AIF1L: variants seen among roughly 807,000 people sequenced by gnomAD.
AIF1L encodes the protein allograft inflammatory factor 1 like.
A neutral mutation model predicts 20.7 loss-of-function variants in AIF1L; 12 were observed. That is an observed-to-expected ratio of 0.58 (90% CI 0.37 to 0.94). AIF1L has a LOEUF of 0.94. Ranked by LOEUF, AIF1L falls within the 40% of genes least tolerant of loss-of-function variation. The probability of loss-of-function intolerance (pLI) is 0.01; values close to 1 mark genes in which losing one functional copy is unlikely to be tolerated. For synonymous variants in AIF1L, 76 were observed against 65.1 expected (o/e 1.17, Z -0.81); for missense variants, 173 against 185.3 (o/e 0.93, Z 0.39).
Position 131,120,908 on chromosome 9 carries a change from G to A in AIF1L, c.*586G>A, listed in dbSNP as rs1337975108. 2 of 500,038 alleles carry A rather than the reference G, an allele frequency of 4.0e-6. No individual in the cohort carries two copies. The highest frequency in any genetic ancestry group is 7.2e-6 in the Non-Finnish European group (2 of 277,488). 31.0% of individuals were successfully genotyped at this position (500,038 alleles called of 1,614,324 possible). A position where few individuals can be genotyped will look rare whatever the true frequency, so the allele number is the denominator to read the frequency against. The stretch of plus-strand genomic sequence containing the variant: ...TCCTCAGTGATGTGAAGGTGGGAAG[G>A]AAAGGAGCTTGGCATTGGGAGCCCT... On this transcript the variant is annotated 3_prime_UTR_variant, in exon 6 of 6. Coordinates refer to ENST00000247291, the MANE Select transcript of AIF1L (RefSeq NM_031426.4).
chr9:131,116,152 G>C (rs1278440611), intron 4 of AIF1L, among the ~76,000 whole-genome samples: 1 of 151,802 alleles, frequency 6.6e-6, no homozygotes, highest in African/African-American at 2.4e-5. Context: ...AATCACAAAA[G>C]CTGTTTTATA....
Position 131,117,091 on chromosome 9 carries a change from G to A in AIF1L, c.203-665G>A, listed in dbSNP as rs1004039850. On this transcript the variant is annotated intron_variant, in intron 4 of 5. Coordinates refer to ENST00000247291, the MANE Select transcript of AIF1L (RefSeq NM_031426.4). ...GGGCGGTCAGAGACAGCACCGCCTC[G>A]GGCTGGAGTGACATTCTGGGGCCTC... Among the ~76,000 whole-genome samples the A allele has an allele frequency of 2.6e-5, 4 of 152,182 alleles. 1 individual carries two copies. Among genetic ancestry groups the A allele is most frequent in the Non-Finnish European group, 5.9e-5 (4 of 68,024 alleles).
At chr9:131,096,915 G>A in intron 2 of AIF1L, 52 bp downstream of exon 2, 2 of 1,483,496 alleles carry the variant, frequency 1.3e-6, no homozygotes, top group Non-Finnish European at 8.9e-7. Context: ...GCGCTGCGCG[G>A]GTGCCACCTC....
At chr9:131,097,279 G>T (rs1342103025) in intron 2 of AIF1L, among the ~76,000 whole-genome samples, 1 of 152,202 alleles carries the variant, frequency 6.6e-6, no homozygotes, top group Non-Finnish European at 1.5e-5. Context: ...GAGTTCGGTG[G>T]CCCAATCTCA....
chr9:131,119,930 G>A (rs1039808102), intron 5 of AIF1L, among the ~76,000 whole-genome samples: 2 of 152,222 alleles, frequency 1.3e-5, no homozygotes, highest in African/African-American at 2.4e-5. Context: ...GTGTGGTTAA[G>A]GGAAGGGTAT....
chr9:131,103,024 G>A (rs567318065), intron 2 of AIF1L: 1 of 456,096 alleles, frequency 2.2e-6, no homozygotes, highest in African/African-American at 2.0e-5. Context: ...TCAGCGAGGA[G>A]CAGGCAGGTG....
chr9:131,115,556 C>G (rs1269897501), intron 4 of AIF1L, among the ~76,000 whole-genome samples: 3 of 151,396 alleles, frequency 2.0e-5, no homozygotes, highest in African/African-American at 7.3e-5. Flanking sequence ...TGAACAGTTT[C>G]CCCCTTTTCC....
rs939132741 is a variant in AIF1L at position 131,122,974 on chromosome 9, T to C, written c.*2652T>C. On this transcript the variant is annotated 3_prime_UTR_variant, in exon 6 of 6. Transcript: ENST00000247291. ...ACCATCTTCTTTCTGAAAGACCAAA[T>C]CTAATGTAACCAGTAACGTGAGGAC... 6.6e-6 allele frequency: 1 copy of C among 152,244 alleles called. No individual in the cohort carries two copies. The highest frequency in any genetic ancestry group is 1.5e-5 in the Non-Finnish European group (1 of 68,070). 9.4% of individuals were successfully genotyped at this position (152,244 alleles called of 1,614,324 possible).
intron 2 of AIF1L, 149 bp from the exon 3 acceptor site, chr9:131,111,448 G>T: frequency 1.4e-6 from 1 of 714,876 alleles, no homozygotes; most frequent in Non-Finnish European, 2.4e-6. Context: ...CCTCCAAGGG[G>T]CGACAGGAAG....
Position 131,115,537 on chromosome 9 carries a change from G to A in AIF1L, c.202+919G>A, listed in dbSNP as rs111828870. On this transcript the variant is annotated intron_variant, in intron 4 of 5. Transcript: ENST00000247291. Reference sequence around the variant, plus strand: ...ACTGGCAGTGAACCAGGGCCCAGCCGTTGGTTTCTGAACAGTTTCCCCCTT... The same window carrying A: ...ACTGGCAGTGAACCAGGGCCCAGCCATTGGTTTCTGAACAGTTTCCCCCTT... 4.8e-3 allele frequency among the ~76,000 whole-genome samples: 728 copies of A among 150,418 alleles called. 5 individuals carry two copies. The highest frequency in any genetic ancestry group is 0.017 in the African/African-American group (686 of 40,988).
chr9:131,114,566 G>A lies in AIF1L; in HGVS notation c.161-11G>A, dbSNP rs377716694. On this transcript the variant is annotated splice_polypyrimidine_tract_variant and intron_variant, in intron 3 of 5. Transcript: ENST00000247291. ...CCAAACTAATGCTAGTTTTTGCTCT[G>A]TGATTTCCAGAGAAGTACATGGAGT... 44 of 1,613,988 alleles carry A rather than the reference G, an allele frequency of 2.7e-5. No homozygotes were observed. The Middle Eastern group carries it at 5.0e-4, about 18-fold the overall frequency.
chr9:131,118,566 T>C (rs1588113147), intron 5 of AIF1L, among the ~76,000 whole-genome samples: 3 of 150,726 alleles, frequency 2.0e-5, no homozygotes, highest in Non-Finnish European at 3.0e-5. Context: ...TTTTTTTTCT[T>C]TTTGAGATCT....
chr9:131,097,444 A>T lies in AIF1L; in HGVS notation c.93+581A>T, dbSNP rs911773213. On this transcript the variant is annotated intron_variant, in intron 2 of 5. Transcript: ENST00000247291. ...AAATAGAAGACTCTGATGGGCGTAGAGATCCTGGCACTTCCCCGTGGTCTC... is the reference window on the plus strand; with the variant it reads ...AAATAGAAGACTCTGATGGGCGTAGTGATCCTGGCACTTCCCCGTGGTCTC... Among the ~76,000 whole-genome samples, 17 of 151,792 alleles carry T rather than the reference A, an allele frequency of 1.1e-4. No individual in the cohort carries two copies. The East Asian group carries it at 2.9e-3, about 26-fold the overall frequency.
At chr9:131,111,480 C>T in intron 2 of AIF1L, 117 bp from the exon 3 acceptor site, 1 of 880,090 alleles carries the variant, frequency 1.1e-6, no homozygotes, top group Non-Finnish European at 1.8e-6. Flanking sequence ...AAGGGACAAA[C>T]TGGGTCTGGT....
chr9:131,107,801 T>C (rs2133386580), intron 2 of AIF1L: 1 of 152,340 alleles, frequency 6.6e-6, no homozygotes, highest in African/African-American at 2.4e-5. Context: ...TGATCTAATA[T>C]GTCCCTTCAC....
chr9:131,109,708 C>T (rs1189614702), intron 2 of AIF1L, among the ~76,000 whole-genome samples: 1 of 152,236 alleles, frequency 6.6e-6, no homozygotes, highest in Non-Finnish European at 1.5e-5. Context: ...CCGCAAGATA[C>T]ATAAGTTACC....
In AIF1L at chr9:131,096,862, G is replaced by A. The variant is rs978819946; in HGVS notation, c.92G>A (p.Arg31Gln). ...RQERRLAEINREFLCDQKYSD... is the reference protein window; with the variant it reads ...RQERRLAEINQEFLCDQKYSD... The stretch of plus-strand genomic sequence containing the variant: ...GAGAGGAGGCTGGCCGAGATCAACC[G>A]GGTAAGCCCCGCGCCCAGGGCAGCA... The change falls in exon 2 of 6, where the codon CGG (arginine) becomes CAG (glutamine). Residue 31 changes from arginine (R) to glutamine (Q), a missense_variant and splice_region_variant. Coordinates refer to ENST00000247291, the MANE Select transcript of AIF1L (RefSeq NM_031426.4). 2 of 1,534,432 alleles carry A rather than the reference G, an allele frequency of 1.3e-6. No homozygotes were observed. Among genetic ancestry groups the A allele is most frequent in the East Asian group, 2.6e-5 (1 of 38,728 alleles).
At chr9:131,112,508 G>A (rs980151574) in intron 3 of AIF1L, 1 of 152,308 alleles carries the variant, frequency 6.6e-6, no homozygotes, top group Non-Finnish European at 1.5e-5. Context: ...CCTGTGTGAA[G>A]CACTTCTCGT....
At chr9:131,107,571 T>C (rs922020787) in intron 2 of AIF1L, among the ~76,000 whole-genome samples, 4 of 152,260 alleles carry the variant, frequency 2.6e-5, no homozygotes, top group Non-Finnish European at 1.5e-5. Context: ...TGTGGTGAGT[T>C]GGACCTAGGC....
Sources: gnomAD v4.1 joint callset for allele counts (sites outside exome capture counted in the v4.1 genomes callset) on GRCh38, gnomAD v4.1.1 for gene constraint, MANE v1.5 for transcripts, NCBI Gene and HGNC (gene_info 2026-07-23, HGNC 2026-07-21) for gene names.